The following EXT1 variants were observed in gnomAD, a reference collection of about 807,000 sequenced individuals.
The protein encoded by EXT1 is exostosin glycosyltransferase 1, also known as exostosin-1.
A neutral mutation model predicts 82.5 loss-of-function variants in EXT1; 20 were observed. The ratio of observed to expected loss-of-function variants is 0.24; its 90% CI spans 0.17 to 0.35. EXT1 has a LOEUF of 0.35. Ranked by LOEUF, EXT1 falls within the 10% of genes least tolerant of loss-of-function variation. The probability of loss-of-function intolerance (pLI) is 1.00; values close to 1 mark genes in which losing one functional copy is unlikely to be tolerated. For synonymous variants in EXT1, 348 were observed against 350.8 expected, an observed-to-expected ratio of 0.99 and a Z score of 0.09; for missense variants, 757 against 936.5, an observed-to-expected ratio of 0.81 and a Z score of 2.50.
intron 5 of EXT1, 39 bp downstream of exon 5, chr8:117,822,426 G>T: frequency 6.2e-7 from 1 of 1,609,300 alleles, no homozygotes; most frequent in South Asian, 1.1e-5. Flanking sequence ...GACATCTTCA[G>T]GGTAAACAAG....
chr8:117,930,253 CAA>C (rs1406031366), intron 1 of EXT1, among the ~76,000 whole-genome samples: 1 of 152,152 alleles, frequency 6.6e-6, no homozygotes. Context: ...ATTCACACCT[CAA>C]GAGGAAGAAA....
intron 1 of EXT1, among the ~76,000 whole-genome samples, chr8:117,996,352 T>C (rs1249601079): frequency 6.6e-6 from 1 of 152,104 alleles, no homozygotes; most frequent in African/African-American, 2.4e-5. Flanking sequence ...ATTAATTAAA[T>C]AAAAACTTCA....
chr8:117,797,608 T>A lies in EXT1; in HGVS notation c.*2104A>T, dbSNP rs1725956857. On this transcript the variant is annotated 3_prime_UTR_variant, in exon 11 of 11. Coordinates refer to ENST00000378204, the MANE Select transcript of EXT1 (RefSeq NM_000127.3). ...AATAATTTGCCAATCCTGAAAAAAA[T>A]AATTTAAATACAAATTCACAAAGGC... 6.6e-6 allele frequency: 1 copy of A among 152,184 alleles called. No homozygotes were observed. 9.4% of individuals were successfully genotyped at this position (152,184 alleles called of 1,614,324 possible).
At chr8:117,854,293 T>C (rs1226551512) in intron 1 of EXT1, among the ~76,000 whole-genome samples, 1 of 149,902 alleles carries the variant, frequency 6.7e-6, no homozygotes, top group African/African-American at 2.5e-5. Flanking sequence ...AATTTAGGGA[T>C]TACAGGACCT....
At chr8:118,095,003 A>C (rs1035185806) in intron 1 of EXT1, among the ~76,000 whole-genome samples, 11 of 152,202 alleles carry the variant, frequency 7.2e-5, no homozygotes, top group Non-Finnish European at 1.3e-4. Context: ...CTGAGCAAAC[A>C]TACAACACAC....
intron 1 of EXT1, among the ~76,000 whole-genome samples, chr8:117,972,777 G>A (rs1683015597): frequency 6.6e-6 from 1 of 152,154 alleles, no homozygotes; most frequent in African/African-American, 2.4e-5. Flanking sequence ...CATGGTGGTG[G>A]TAAGAAGTGC....
At chr8:118,109,501 T>G (rs1249071319) in intron 1 of EXT1, among the ~76,000 whole-genome samples, 1 of 151,916 alleles carries the variant, frequency 6.6e-6, no homozygotes, top group Non-Finnish European at 1.5e-5. Context: ...CAGTCTCCCT[T>G]CATAAAAGTC....
At chr8:118,082,722 A>G (rs1362734153) in intron 1 of EXT1, among the ~76,000 whole-genome samples, 3 of 152,222 alleles carry the variant, frequency 2.0e-5, no homozygotes, top group Admixed American at 1.3e-4. Context: ...CAAGCTAACT[A>G]TAATTATATA....
intron 1 of EXT1, among the ~76,000 whole-genome samples, chr8:117,880,062 G>T (rs914155229): frequency 6.8e-4 from 103 of 152,276 alleles, no homozygotes; most frequent in African/African-American, 2.3e-3. Context: ...AATCATGAAT[G>T]AAATTCCCTT....
At chr8:118,086,467 T>G (rs1255705210) in intron 1 of EXT1, among the ~76,000 whole-genome samples, 1 of 152,220 alleles carries the variant, frequency 6.6e-6, no homozygotes, top group Admixed American at 6.5e-5. Flanking sequence ...ATCCACAGAC[T>G]TCCTCTTTCA....
At chr8:118,085,979 C>T (rs1012676262) in intron 1 of EXT1, among the ~76,000 whole-genome samples, 1 of 152,190 alleles carries the variant, frequency 6.6e-6, no homozygotes, top group African/African-American at 2.4e-5. Flanking sequence ...CTATCATAAA[C>T]ACTATAAATA....
intron 1 of EXT1, among the ~76,000 whole-genome samples, chr8:117,840,584 C>G (rs10112120): frequency 0.09 from 13,561 of 150,648 alleles, 778 homozygotes; most frequent in African/African-American, 0.17. Flanking sequence ...TGTACTCCAG[C>G]CTGGGCAACA....
intron 1 of EXT1, among the ~76,000 whole-genome samples, chr8:117,901,306 G>GT (rs1347003864): frequency 6.6e-6 from 1 of 152,172 alleles, no homozygotes; most frequent in East Asian, 1.9e-4. Context: ...ATGGGCAGTT[G>GT]TAACACCATG....
At chr8:118,071,304 T>C (rs1019951009) in intron 1 of EXT1, among the ~76,000 whole-genome samples, 12 of 152,192 alleles carry the variant, frequency 7.9e-5, no homozygotes, top group Non-Finnish European at 1.3e-4. Flanking sequence ...TAGTACCTCC[T>C]GCGTGACACT....
At chr8:117,858,689 GAAGA>G (rs1217359816) in intron 1 of EXT1, among the ~76,000 whole-genome samples, 39 of 129,692 alleles carry the variant, frequency 3.0e-4, no homozygotes, top group Non-Finnish European at 4.4e-4. Flanking sequence ...AAAAAAAAAA[GAAGA>G]AAGAAAGAAA....
intron 3 of EXT1, among the ~76,000 whole-genome samples, chr8:117,834,583 C>A (rs13271710): frequency 6.6e-6 from 1 of 150,570 alleles, no homozygotes; most frequent in African/African-American, 2.4e-5. Context: ...CCAGCCTGGG[C>A]GACAGAGTGA....
At chr8:117,965,985 C>T (rs1407989517) in intron 1 of EXT1, among the ~76,000 whole-genome samples, 3 of 140,174 alleles carry the variant, frequency 2.1e-5, no homozygotes, top group Non-Finnish European at 4.5e-5. Context: ...TAAACACATA[C>T]ATGCATATAC....
chr8:118,018,478 A>G (rs1455718799), intron 1 of EXT1, among the ~76,000 whole-genome samples: 7 of 152,176 alleles, frequency 4.6e-5, no homozygotes, highest in Admixed American at 6.5e-5. Context: ...GAAGGAAAAC[A>G]GCCCTGGCAA....
At chr8:117,835,926 G>A (rs1812182501) in intron 2 of EXT1, among the ~76,000 whole-genome samples, 2 of 152,144 alleles carry the variant, frequency 1.3e-5, no homozygotes, top group Non-Finnish European at 2.9e-5. Context: ...AAACAGTCTG[G>A]TCAACGTAAC....
Sources: allele counts gnomAD v4.1 joint callset (sites outside exome capture counted in the v4.1 genomes callset), GRCh38; gene constraint gnomAD v4.1.1; transcripts MANE v1.5; gene names NCBI Gene and HGNC (gene_info 2026-07-23, HGNC 2026-07-21).